Variants in ZNF445 observed in about 807,000 individuals in gnomAD.
ZNF445 encodes zinc finger protein 445.
ZNF445 carries 19 observed loss-of-function variants against 93.9 expected under a neutral mutation model. That is an observed-to-expected ratio of 0.20 (90% CI 0.14 to 0.30). The LOEUF (loss-of-function observed/expected upper bound fraction) is 0.30. Among genes scored for constraint, ZNF445 ranks in the 10% least tolerant of loss-of-function variants. The pLI is 1.00. For missense variants in ZNF445, 1,058 were observed against 1,259.4 expected (o/e 0.84, Z 2.42); for synonymous variants, 449 against 446.3 (o/e 1.01, Z -0.08).
In ZNF445 at chr3:44,440,570, C is replaced by T. The variant is rs1475778709; in HGVS notation, c.*6005G>A. On this transcript the variant is annotated 3_prime_UTR_variant, in exon 8 of 8. Transcript: ENST00000396077. ...GATGTACTAGAGTTACTTAAGCGTTCGTTTACTAATAGCCATTTGTATTGC... is the reference window on the plus strand; with the variant it reads ...GATGTACTAGAGTTACTTAAGCGTTTGTTTACTAATAGCCATTTGTATTGC... The T allele has an allele frequency of 1.3e-5, 2 of 152,110 alleles. No homozygotes were observed. Among genetic ancestry groups the T allele is most frequent in the Admixed American group, 6.5e-5 (1 of 15,272 alleles). 9.4% of individuals were successfully genotyped at this position (152,110 alleles called of 1,614,324 possible). A position where few individuals can be genotyped will look rare whatever the true frequency, so the allele number is the denominator to read the frequency against.
rs1360001221 is a variant in ZNF445 at position 44,434,834 on chromosome 3, GTTA to G, written c.*11738_*11740del. 43 of 152,166 alleles carry G rather than the reference GTTA, an allele frequency of 2.8e-4. No individual in the cohort carries two copies. The highest frequency in any genetic ancestry group is 1.0e-3 in the African/African-American group (43 of 41,410). The allele number at this position is 152,166 out of a possible 1,614,324, so 9.4% of individuals were successfully genotyped here. A position where few individuals can be genotyped will look rare whatever the true frequency, so the allele number is the denominator to read the frequency against. On this transcript the variant is annotated 3_prime_UTR_variant, in exon 8 of 8. Transcript: ENST00000396077. Reference sequence around the variant, plus strand: ...GCTTGCTTTTGGTTGCTTGCTCTTTGTTATTTTTTCCCCCATGAAGCTGAAGGC... The same window carrying G: ...GCTTGCTTTTGGTTGCTTGCTCTTTGTTTTTTCCCCCATGAAGCTGAAGGC...
rs566231826 is a variant in ZNF445 at position 44,434,382 on chromosome 3, G to A, written c.*12193C>T. 6.6e-6 allele frequency: 1 copy of A among 151,804 alleles called. No individual in the cohort carries two copies. Among genetic ancestry groups the A allele is most frequent in the African/African-American group, 2.4e-5 (1 of 41,342 alleles). 9.4% of individuals were successfully genotyped at this position (151,804 alleles called of 1,614,324 possible). ...GCCAAGATTGCCTCCACTCCAGCTC[G>A]AGCTACAGAGTGAGACTCTGTCTCA... is the stretch of plus-strand genomic sequence containing the variant. On this transcript the variant is annotated 3_prime_UTR_variant, in exon 8 of 8. Coordinates refer to ENST00000396077, the MANE Select transcript of ZNF445 (RefSeq NM_181489.6).
At position 44,432,681 on chromosome 3, in the gene ZNF445, C is replaced by T. The variant is rs1697582739; in HGVS notation, c.*13894G>A. ...CATCCAAAGCAACCTCACAGAAACA[C>T]CCAGCATAATGTTTGATCAAATACC... On this transcript the variant is annotated 3_prime_UTR_variant, in exon 8 of 8. Transcript: ENST00000396077. 6.6e-6 allele frequency: 1 copy of T among 152,188 alleles called. No individual in the cohort carries two copies. Among genetic ancestry groups the T allele is most frequent in the Non-Finnish European group, 1.5e-5 (1 of 68,058 alleles). The allele number at this position is 152,188 out of a possible 1,614,324, so 9.4% of individuals were successfully genotyped here.
rs1471164013 is a variant in ZNF445, at chr3:44,451,413, A to G, written c.499T>C (p.Trp167Arg). ...CTCCTGAGAGGTGAAGCAAGGGACC[A>G]TATCTGTGCAGATCGCAGGGCTCCT... ...GTGALRSAQI[W>R]SLASPLRSSS... The change falls in exon 4 of 8, where the codon TGG (tryptophan) becomes CGG (arginine). Residue 167 changes from tryptophan to arginine, a missense_variant. Transcript: ENST00000396077. 6 of 1,614,048 alleles carry G rather than the reference A, an allele frequency of 3.7e-6. No homozygotes were observed. Among genetic ancestry groups the G allele is most frequent in the Middle Eastern group, 1.6e-4 (1 of 6,062 alleles).
In ZNF445 at chr3:44,447,424, G is replaced by A; in HGVS notation, c.2247C>T (p.Phe749=). 6.2e-7 allele frequency: 1 copy of A among 1,614,200 alleles called. No individual in the cohort carries two copies. Among genetic ancestry groups the A allele is most frequent in the Non-Finnish European group, 8.5e-7 (1 of 1,180,032 alleles). Residue 749 remains phenylalanine (F), a synonymous_variant, in exon 8 of 8, where the codon TTC becomes TTT. Transcript: ENST00000396077. The surrounding 1 kb of genome is among the most constrained non-coding windows in gnomAD (Gnocchi z 4.7). ...TGGAGTGACTGCTCTGAGGAACCTG[G>A]AACACTGTGTCCTGACTAAAAGATG... ...GGPSFSQDTV[F]QVPQSSHSKE...
chr3:44,456,902 CGGA>C (rs1302286206), intron 2 of ZNF445, among the ~76,000 whole-genome samples: 2 of 152,018 alleles, frequency 1.3e-5, no homozygotes, highest in Admixed American at 1.3e-4. Flanking sequence ...CCGAAGTGGG[CGGA>C]CTGCTTGAGG....
At chr3:44,450,729 G>C in intron 5 of ZNF445, 139 bp downstream of exon 5, 1 of 1,295,334 alleles carries the variant, frequency 7.7e-7, no homozygotes, top group South Asian at 1.5e-5. Flanking sequence ...CTGGGCTTGA[G>C]GGGGATAATC....
intron 3 of ZNF445, among the ~76,000 whole-genome samples, chr3:44,452,153 C>T (rs929101103): frequency 6.6e-6 from 1 of 152,112 alleles, no homozygotes; most frequent in Non-Finnish European, 1.5e-5. Flanking sequence ...GTCTCTGAGG[C>T]AAGGCTGTCC....
At position 44,448,382 on chromosome 3, in the gene ZNF445, T is replaced by C. The variant is rs1431986881; in HGVS notation, c.1289A>G (p.Tyr430Cys). 7 of 1,614,142 alleles carry C rather than the reference T, an allele frequency of 4.3e-6. No homozygotes were observed. Among genetic ancestry groups the C allele is most frequent in the South Asian group, 2.2e-5 (2 of 91,094 alleles). The change falls in exon 8 of 8, where the codon TAC (tyrosine) becomes TGC (cysteine). Residue 430 changes from tyrosine to cysteine, a missense_variant. Tyr to Cys is a radical substitution (Grantham distance 194). Around this residue, in one of 3 missense-constraint regions of ZNF445, gnomAD observed 657 missense variants for 746.4 expected, o/e 0.88. Transcript: ENST00000396077. ...TCTGAGCCCCTTCCCATATTTCTTGTAGTCATAGTGGTGTGAACTCATTCT... is the reference window on the plus strand; with the variant it reads ...TCTGAGCCCCTTCCCATATTTCTTGCAGTCATAGTGGTGTGAACTCATTCT... Reference protein sequence around the residue: ...HFRMSSHHYDYKKYGKGLRHM... With the variant: ...HFRMSSHHYDCKKYGKGLRHM...
intron 3 of ZNF445, 49 bp from the exon 4 acceptor site, chr3:44,451,531 C>A (rs370229018): frequency 5.9e-5 from 93 of 1,571,894 alleles, no homozygotes; most frequent in Non-Finnish European, 7.6e-5. Flanking sequence ...AATCAGAAAG[C>A]AAACTCAGAG....
rs1253049478 is a variant in ZNF445 at position 44,440,238 on chromosome 3, T to C, written c.*6337A>G. 2.6e-5 allele frequency: 4 copies of C among 152,362 alleles called. No homozygotes were observed. The highest frequency in any genetic ancestry group is 5.9e-5 in the Non-Finnish European group (4 of 68,030). 9.4% of individuals were successfully genotyped at this position (152,362 alleles called of 1,614,324 possible). A position where few individuals can be genotyped will look rare whatever the true frequency, so the allele number is the denominator to read the frequency against. On this transcript the variant is annotated 3_prime_UTR_variant, in exon 8 of 8. Coordinates refer to ENST00000396077, the MANE Select transcript of ZNF445 (RefSeq NM_181489.6). ...AAACCTGGCTGATATAAAATCTCCT[T>C]GCTGTTCTTAGCAGGGTTAACATTA...
rs1177099383 is a variant in ZNF445, at chr3:44,450,457, C to T, written c.810G>A (p.Met270Ile). Residue 270 changes from methionine to isoleucine, a missense_variant, in exon 6 of 8, where the codon ATG (methionine) becomes ATA (isoleucine). Physicochemically the swap from Met to Ile is conservative, Grantham distance 10 (BLOSUM62 1). This residue lies in a region of ZNF445 where 657 missense variants were observed against 746.4 expected (regional missense o/e 0.88). Transcript: ENST00000396077. ...ATATCGATTACTTACCCAGGGAAGC[C>T]ATGTTCCTATAATTCTCCAGCATCA... ...RDVMLENYRN[M>I]ASLVGPFTKP... 6.2e-7 allele frequency: 1 copy of T among 1,614,156 alleles called. No individual in the cohort carries two copies. Among genetic ancestry groups the T allele is most frequent in the South Asian group, 1.1e-5 (1 of 91,086 alleles).
intron 1 of ZNF445, among the ~76,000 whole-genome samples, chr3:44,460,783 A>G (rs140358091): frequency 0.01 from 1,570 of 152,234 alleles, 16 homozygotes; most frequent in Admixed American, 0.019. Context: ...CTCTATTGCA[A>G]TTCCCCTGTC....
intron 1 of ZNF445, among the ~76,000 whole-genome samples, chr3:44,460,195 A>C (rs1166375153): frequency 6.6e-6 from 1 of 152,228 alleles, no homozygotes; most frequent in Admixed American, 6.5e-5. Flanking sequence ...CGCCTTTGCA[A>C]AATTATGACT....
At chr3:44,454,171 C>T (rs1270350795) in intron 3 of ZNF445, among the ~76,000 whole-genome samples, 1 of 148,582 alleles carries the variant, frequency 6.7e-6, no homozygotes, top group Non-Finnish European at 1.5e-5. Context: ...ACAAAATTAG[C>T]TGGGAGTGGT....
rs1008245532 is a variant in ZNF445, at chr3:44,477,585, T to C, written c.-269+6A>G. 6.9e-6 allele frequency: 1 copy of C among 144,564 alleles called. No individual in the cohort carries two copies. The highest frequency in any genetic ancestry group is 1.5e-5 in the Non-Finnish European group (1 of 66,316). 9.0% of individuals were successfully genotyped at this position (144,564 alleles called of 1,614,324 possible). A position where few individuals can be genotyped will look rare whatever the true frequency, so the allele number is the denominator to read the frequency against. ...CCCCACCCCCGCGCCCCGCCAGGCC[T>C]CTCACCGACTCCCGCCGCCGAGCGA... On this transcript the variant is annotated splice_donor_region_variant and intron_variant, in intron 1 of 7. Coordinates refer to ENST00000396077, the MANE Select transcript of ZNF445 (RefSeq NM_181489.6).
rs1697564710 is a variant in ZNF445, at chr3:44,432,213, T to C, written c.*14362A>G. On this transcript the variant is annotated 3_prime_UTR_variant, in exon 8 of 8. Transcript: ENST00000396077. ...CATGCCCAGCCCTTGAAATTTAAAT[T>C]TCAATGTCTCTAAATGAAGTTTTAT... 6.6e-6 allele frequency: 1 copy of C among 152,034 alleles called. No individual in the cohort carries two copies. The highest frequency in any genetic ancestry group is 6.6e-5 in the Admixed American group (1 of 15,248). The allele number at this position is 152,034 out of a possible 1,614,324, so 9.4% of individuals were successfully genotyped here.
chr3:44,461,898 C>G (rs1465034146), intron 1 of ZNF445, among the ~76,000 whole-genome samples: 1 of 152,186 alleles, frequency 6.6e-6, no homozygotes, highest in Non-Finnish European at 1.5e-5. Flanking sequence ...GCAGGGTCAT[C>G]AGAACCTGCT....
At chr3:44,471,985 G>C (rs2372690) in intron 1 of ZNF445, among the ~76,000 whole-genome samples, 15 of 152,162 alleles carry the variant, frequency 9.9e-5, no homozygotes, top group Non-Finnish European at 2.2e-4. Context: ...GCCTCGGTGC[G>C]TGCCAGCAGC....
Sources: gnomAD v4.1 joint callset for allele counts (sites outside exome capture counted in the v4.1 genomes callset) on GRCh38, gnomAD v4.1.1 for gene constraint, gnomAD v4.1.1 regional missense constraint, Gnocchi (gnomAD v3.1) non-coding constraint, MANE v1.5 for transcripts, NCBI Gene and HGNC (gene_info 2026-07-23, HGNC 2026-07-21) for gene names.